Variants in NEBL observed in about 807,000 individuals in gnomAD.
NEBL encodes the protein LIM and SH3 protein 2.
Under a neutral mutation model 140.2 loss-of-function variants are expected in NEBL, and 122 were observed. That is an observed-to-expected ratio of 0.87 (90% CI 0.75 to 1.01). The LOEUF is 1.01. Among genes scored for constraint, NEBL ranks in the 50% least tolerant of loss-of-function variants. NEBL has a pLI of 0.00. For missense variants in NEBL, 1,365 were observed against 1,231.3 expected (o/e 1.11, Z -1.62); for synonymous variants, 436 against 398.9 (o/e 1.09, Z -1.11).
At chr10:20,994,523 T>C (rs917893321) in intron 3 of NEBL, among the ~76,000 whole-genome samples, 9 of 152,206 alleles carry the variant, frequency 5.9e-5, no homozygotes, top group Non-Finnish European at 1.2e-4. Context: ...ATTACTTCCA[T>C]TGGCCGTAAT....
intron 2 of NEBL, among the ~76,000 whole-genome samples, chr10:21,057,471 T>C (rs1263713747): frequency 6.6e-6 from 1 of 150,892 alleles, no homozygotes. Context: ...AGGTAAAGGT[T>C]ACTACAAACT....
upstream of NEBL, chr10:20,899,671 A>T: frequency 3.2e-6 from 1 of 312,578 alleles, no homozygotes; most frequent in South Asian, 2.7e-5. Flanking sequence ...AAGCCATTCA[A>T]TGAAGCACTA....
rs188004248 is a variant in NEBL, at chr10:21,214,390, G to A, written n.348+33531C>T. ...GGGAAAAAGGAAGAGAGGGAGGAAG[G>A]AAAGAAACAAGAAGAGAAGAAAGGA... On this transcript the variant is annotated intron_variant and non_coding_transcript_variant, in intron 3 of 8. Transcript: ENST00000675702. 9.1e-3 allele frequency among the ~76,000 whole-genome samples: 1,386 copies of A among 152,100 alleles called. 23 individuals carry two copies. The highest frequency in any genetic ancestry group is 0.032 in the African/African-American group (1,314 of 41,490).
At chr10:21,114,892 A>T (rs114965148) in intron 2 of NEBL, among the ~76,000 whole-genome samples, 2 of 151,638 alleles carry the variant, frequency 1.3e-5, no homozygotes, top group Admixed American at 1.3e-4. Context: ...GACCATTTAC[A>T]TTTAATGTGG....
intron 1 of NEBL, among the ~76,000 whole-genome samples, chr10:21,256,632 A>G (rs1366767360): frequency 6.6e-6 from 1 of 152,124 alleles, no homozygotes; most frequent in Admixed American, 6.6e-5. Flanking sequence ...GGAGTTCGAG[A>G]CCAGCCTAGG....
At chr10:20,931,816 G>A (rs1193694073) in intron 4 of NEBL, among the ~76,000 whole-genome samples, 1 of 152,058 alleles carries the variant, frequency 6.6e-6, no homozygotes, top group African/African-American at 2.4e-5. Flanking sequence ...CTGGAAGGAG[G>A]TAAAGAAAGT....
upstream of NEBL, among the ~76,000 whole-genome samples, chr10:20,901,522 T>A (rs1183913329): frequency 6.6e-6 from 1 of 152,146 alleles, no homozygotes; most frequent in Non-Finnish European, 1.5e-5. Flanking sequence ...GATACATGAT[T>A]TAAAAATAAA....
upstream of NEBL, among the ~76,000 whole-genome samples, chr10:21,177,731 C>T (rs1034635499): frequency 2.0e-5 from 3 of 151,906 alleles, no homozygotes; most frequent in Non-Finnish European, 4.4e-5. Flanking sequence ...GGTTTCACTG[C>T]GTTAGCCAGG....
At chr10:20,942,230 C>T (rs1834909802) in intron 4 of NEBL, among the ~76,000 whole-genome samples, 1 of 152,094 alleles carries the variant, frequency 6.6e-6, no homozygotes, top group Non-Finnish European at 1.5e-5. Flanking sequence ...GGTACTGGTA[C>T]CAAAACAGTG....
rs954103440 is a variant in NEBL, at chr10:20,781,676, T to C, written c.*4071A>G. On this transcript the variant is annotated 3_prime_UTR_variant, in exon 28 of 28. Coordinates refer to ENST00000377122, the MANE Select transcript of NEBL (RefSeq NM_006393.3). ...TCAAAGATTCTTCCAAGTTTATGGG[T>C]TCAAGTAGTCTAAGCATCACAGAAT... 20 of 152,536 alleles carry C rather than the reference T, an allele frequency of 1.3e-4. No homozygotes were observed. Among genetic ancestry groups the C allele is most frequent in the African/African-American group, 4.8e-4 (20 of 41,438 alleles). The allele number at this position is 152,536 out of a possible 1,614,324, so 9.4% of individuals were successfully genotyped here.
intron 25 of NEBL, among the ~76,000 whole-genome samples, chr10:20,809,349 T>C (rs980684071): frequency 1.3e-5 from 2 of 152,234 alleles, no homozygotes; most frequent in African/African-American, 4.8e-5. Context: ...TTTTACATTA[T>C]ATAAAATGTC....
At chr10:21,094,479 G>A (rs1277609819) in intron 2 of NEBL, among the ~76,000 whole-genome samples, 1 of 133,258 alleles carries the variant, frequency 7.5e-6, no homozygotes, top group African/African-American at 2.9e-5. Flanking sequence ...TCCAGCCTGG[G>A]AGACAGCGAG....
At chr10:21,095,358 G>A (rs1837137423) in intron 2 of NEBL, among the ~76,000 whole-genome samples, 1 of 152,210 alleles carries the variant, frequency 6.6e-6, no homozygotes, top group Admixed American at 6.5e-5. Flanking sequence ...AACATGGTCA[G>A]AGTGATGACC....
At chr10:21,072,348 G>C (rs1302328455) in intron 2 of NEBL, among the ~76,000 whole-genome samples, 2 of 152,104 alleles carry the variant, frequency 1.3e-5, no homozygotes, top group African/African-American at 4.8e-5. Flanking sequence ...CTTATCTCAA[G>C]TTCCATACCA....
At position 20,963,250 on chromosome 10, in the gene NEBL, G is replaced by C. The variant is rs560756892; in HGVS notation, c.250-1471C>G. The stretch of plus-strand genomic sequence containing the variant: ...TCCCAGCATGGGTAAAGATCCACAT[G>C]CTGGCACATTCTCAGCGTTTAATGC... On this transcript the variant is annotated intron_variant, in intron 3 of 6. Coordinates refer to the NEBL transcript ENST00000417816. Among the ~76,000 whole-genome samples, 4 of 152,282 alleles carry C rather than the reference G, an allele frequency of 2.6e-5. No individual in the cohort carries two copies. In the South Asian group the frequency reaches 8.3e-4, roughly 32 times the overall value.
chr10:21,071,055 C>A (rs903472184), intron 2 of NEBL, among the ~76,000 whole-genome samples: 2 of 151,778 alleles, frequency 1.3e-5, no homozygotes, highest in East Asian at 3.9e-4. Context: ...TGCCTGTAGC[C>A]CAGCTGCTTA....
chr10:21,033,265 T>C (rs944502916), intron 2 of NEBL, among the ~76,000 whole-genome samples: 27 of 152,176 alleles, frequency 1.8e-4, no homozygotes, highest in Admixed American at 2.6e-4. Context: ...ACAAAGTTTA[T>C]AAGAAAACAG....
At position 21,021,459 on chromosome 10, in the gene NEBL, C is replaced by A. The variant is rs1838788803; in HGVS notation, c.165-1258G>T. On this transcript the variant is annotated intron_variant, in intron 2 of 6. Coordinates refer to the NEBL transcript ENST00000417816. ...TGCAGACTTCTCACTGTGAAAACTG[C>A]ATGCTCTTGCTGCAGGGATCACTTC... Among the ~76,000 whole-genome samples, 2 of 152,212 alleles carry A rather than the reference C, an allele frequency of 1.3e-5. 1 individual carries two copies. The highest frequency in any genetic ancestry group is 4.1e-4 in the South Asian group (2 of 4,830).
intron 9 of NEBL, 117 bp downstream of exon 9, chr10:20,858,123 G>C (rs1247987803): frequency 6.4e-6 from 5 of 781,212 alleles, no homozygotes; most frequent in African/African-American, 1.7e-5. Flanking sequence ...GTTAGTTAAC[G>C]AGGGAGGAGT....
Sources: gnomAD v4.1 joint callset for allele counts (sites outside exome capture counted in the v4.1 genomes callset) on GRCh38, gnomAD v4.1.1 for gene constraint, MANE v1.5 for transcripts, NCBI Gene and HGNC (gene_info 2026-07-23, HGNC 2026-07-21) for gene names.